Variants in RUNDC3B observed in about 807,000 individuals in gnomAD.
RUNDC3B encodes the protein RUN domain containing 3B, also known as RUN domain-containing protein 3B.
RUNDC3B carries 33 observed loss-of-function variants against 58.4 expected under a neutral mutation model. The ratio of observed to expected loss-of-function variants is 0.56; its 90% CI spans 0.43 to 0.75. The LOEUF (loss-of-function observed/expected upper bound fraction) is 0.75, where lower values mean the gene tolerates loss of function less well. RUNDC3B is among the 30% of genes least tolerant of loss of function. RUNDC3B has a pLI of 0.00. For synonymous variants in RUNDC3B, 193 were observed against 195.2 expected (o/e 0.99, Z 0.10); for missense variants, 501 against 535.7 (o/e 0.94, Z 0.64).
Position 87,628,513 on chromosome 7 carries a change from C to T in RUNDC3B, c.-311C>T. ...TGAGGTCCCTCGGGAAGGAGGAGAG[C>T]GCCTGACGCCGACCCGCAGGCGCAG... On this transcript the variant is annotated 5_prime_UTR_variant, in exon 1 of 11. Coordinates refer to ENST00000394654, the MANE Select transcript of RUNDC3B (RefSeq NM_001134405.2). 4.0e-6 allele frequency: 1 copy of T among 249,874 alleles called. No homozygotes were observed. Among genetic ancestry groups the T allele is most frequent in the Non-Finnish European group, 7.6e-6 (1 of 132,048 alleles). The allele number at this position is 249,874 out of a possible 1,614,324, so 15.5% of individuals were successfully genotyped here.
intron 8 of RUNDC3B, among the ~76,000 whole-genome samples, chr7:87,804,512 G>T (rs947424144): frequency 3.0e-4 from 46 of 152,082 alleles, no homozygotes; most frequent in African/African-American, 1.1e-3. Context: ...AGAATCTAAA[G>T]AGAAATTATC....
At chr7:87,636,283 G>C (rs569522592) in intron 1 of RUNDC3B, among the ~76,000 whole-genome samples, 1 of 152,052 alleles carries the variant, frequency 6.6e-6, no homozygotes, top group African/African-American at 2.4e-5. Flanking sequence ...TGTTTGTTGG[G>C]GTGTCACATG....
At chr7:87,721,760 T>A (rs1297979116) in intron 4 of RUNDC3B, among the ~76,000 whole-genome samples, 1 of 152,036 alleles carries the variant, frequency 6.6e-6, no homozygotes, top group Non-Finnish European at 1.5e-5. Flanking sequence ...ATGCTCCTAT[T>A]CTAACATTCT....
At chr7:87,680,860 C>T in intron 2 of RUNDC3B, among the ~76,000 whole-genome samples, 1 of 149,904 alleles carries the variant, frequency 6.7e-6, no homozygotes, top group East Asian at 2.0e-4. Context: ...AAACCCAAAA[C>T]AAGCAAAATG....
chr7:87,751,104 C>T (rs1832955134), intron 6 of RUNDC3B, among the ~76,000 whole-genome samples: 1 of 152,196 alleles, frequency 6.6e-6, no homozygotes, highest in African/African-American at 2.4e-5. Flanking sequence ...ATATGGCTAG[C>T]CAGTTTTCCC....
At chr7:87,636,842 G>T (rs1346606429) in intron 1 of RUNDC3B, among the ~76,000 whole-genome samples, 1 of 152,164 alleles carries the variant, frequency 6.6e-6, no homozygotes, top group Non-Finnish European at 1.5e-5. Flanking sequence ...ACATACCTGA[G>T]ACTGGGTAAT....
intron 2 of RUNDC3B, among the ~76,000 whole-genome samples, chr7:87,688,391 T>TAC (rs898532554): frequency 2.6e-5 from 4 of 151,968 alleles, no homozygotes; most frequent in Non-Finnish European, 2.9e-5. Flanking sequence ...TACATATATA[T>TAC]ACACATAATC....
chr7:87,813,603 A>C (rs944319470), intron 9 of RUNDC3B, among the ~76,000 whole-genome samples: 5 of 152,200 alleles, frequency 3.3e-5, no homozygotes, highest in Non-Finnish European at 5.9e-5. Flanking sequence ...CCTATTGGGC[A>C]CAAAAAAAAT....
chr7:87,792,926 T>C (rs1357624410), intron 8 of RUNDC3B, among the ~76,000 whole-genome samples: 2 of 151,674 alleles, frequency 1.3e-5, no homozygotes, highest in African/African-American at 4.8e-5. Context: ...TTTGAAAAGA[T>C]AAACAAAATG....
intron 8 of RUNDC3B, among the ~76,000 whole-genome samples, chr7:87,784,764 GT>G (rs1398243130): frequency 7.1e-6 from 1 of 140,224 alleles, no homozygotes; most frequent in Admixed American, 7.3e-5. Flanking sequence ...GGGAGATGTT[GT>G]TGGGGGGTAG....
chr7:87,631,690 C>T (rs747420731), intron 1 of RUNDC3B, among the ~76,000 whole-genome samples: 3 of 152,140 alleles, frequency 2.0e-5, no homozygotes, highest in Non-Finnish European at 2.9e-5. Flanking sequence ...ACCTTGCGCC[C>T]GGCCTCTTTA....
chr7:87,795,386 A>G (rs1835759657), intron 8 of RUNDC3B, among the ~76,000 whole-genome samples: 1 of 152,240 alleles, frequency 6.6e-6, no homozygotes, highest in African/African-American at 2.4e-5. Flanking sequence ...GGTGCTCAAC[A>G]TCACTGATCA....
intron 4 of RUNDC3B, among the ~76,000 whole-genome samples, chr7:87,729,267 C>T (rs1270046316): frequency 6.6e-6 from 1 of 151,998 alleles, no homozygotes; most frequent in Admixed American, 6.6e-5. Flanking sequence ...TCCAGAAGAA[C>T]CAAAAATCAG....
rs562286434 is a variant in RUNDC3B, at chr7:87,723,228, T to C, written c.458+12573T>C. ...CAAATACCTAATAAGTACAGAATAA[T>C]TCAACCAAAATAAAGAAATGTCTGT... On this transcript the variant is annotated intron_variant, in intron 4 of 10. Coordinates refer to ENST00000394654, the MANE Select transcript of RUNDC3B (RefSeq NM_001134405.2). 7.2e-5 allele frequency among the ~76,000 whole-genome samples: 11 copies of C among 152,184 alleles called. No individual in the cohort carries two copies. In the Middle Eastern group the frequency reaches 0.01, roughly 141 times the overall value.
At chr7:87,702,174 AG>A (rs1343611570) in intron 3 of RUNDC3B, among the ~76,000 whole-genome samples, 3 of 144,422 alleles carry the variant, frequency 2.1e-5, no homozygotes, top group Non-Finnish European at 4.6e-5. Flanking sequence ...AAAAAAAAAC[AG>A]AGATACTTTT....
intron 10 of RUNDC3B, among the ~76,000 whole-genome samples, chr7:87,822,944 C>T (rs536594232): frequency 2.0e-5 from 3 of 151,928 alleles, no homozygotes; most frequent in South Asian, 2.1e-4. Flanking sequence ...TGCTAAATGA[C>T]GAGTTATTTG....
intron 5 of RUNDC3B, 83 bp from the exon 6 acceptor site, chr7:87,741,416 C>G: frequency 1.3e-6 from 1 of 791,784 alleles, no homozygotes; most frequent in East Asian, 2.9e-5. Flanking sequence ...AGAAACGTCT[C>G]TGGCAAGAGA....
At chr7:87,752,329 G>A (rs1322197494) in intron 6 of RUNDC3B, among the ~76,000 whole-genome samples, 1 of 152,018 alleles carries the variant, frequency 6.6e-6, no homozygotes, top group African/African-American at 2.4e-5. Flanking sequence ...TATTGGTCTA[G>A]AATTCTCTTT....
At chr7:87,778,654 T>G (rs1834777493) in intron 8 of RUNDC3B, among the ~76,000 whole-genome samples, 1 of 152,174 alleles carries the variant, frequency 6.6e-6, no homozygotes, top group Non-Finnish European at 1.5e-5. Context: ...ATATTAACTG[T>G]TACTAGGTTG....
Sources: allele counts gnomAD v4.1 joint callset (sites outside exome capture counted in the v4.1 genomes callset), GRCh38; gene constraint gnomAD v4.1.1; transcripts MANE v1.5; gene names NCBI Gene and HGNC (gene_info 2026-07-23, HGNC 2026-07-21).